SAMD3: variants seen among roughly 807,000 people sequenced by gnomAD.
The protein encoded by SAMD3 is sterile alpha motif domain containing 3.
A neutral mutation model predicts 58.5 loss-of-function variants in SAMD3; 63 were observed. The ratio of observed to expected loss-of-function variants is 1.08; its 90% confidence interval spans 0.88 to 1.33. The LOEUF (loss-of-function observed/expected upper bound fraction) is 1.33. SAMD3 is among the 40% of genes most tolerant of loss of function. The pLI is 0.00. For missense variants in SAMD3, 604 were observed against 608.4 expected (o/e 0.99, Z 0.08); for synonymous variants, 220 against 210.3 (o/e 1.05, Z -0.40).
intron 2 of SAMD3, among the ~76,000 whole-genome samples, chr6:130,284,817 G>C (rs985868059): frequency 2.6e-5 from 4 of 152,104 alleles, no homozygotes; most frequent in African/African-American, 4.8e-5. Context: ...TCACAAGGAA[G>C]TAATAACATT....
At chr6:130,193,471 C>CA (rs1438158544) in intron 5 of SAMD3, among the ~76,000 whole-genome samples, 2 of 151,984 alleles carry the variant, frequency 1.3e-5, no homozygotes, top group Non-Finnish European at 2.9e-5. Flanking sequence ...CTCTGTGCCC[C>CA]AACCCCTTAT....
intron 1 of SAMD3, among the ~76,000 whole-genome samples, chr6:130,362,118 A>G (rs78837244): frequency 6.6e-6 from 1 of 152,320 alleles, no homozygotes; most frequent in African/African-American, 2.4e-5. Flanking sequence ...TCTGGAAGGG[A>G]CTGAAGTGAA....
upstream of SAMD3, among the ~76,000 whole-genome samples, chr6:130,224,481 G>C (rs970871950): frequency 1.3e-5 from 2 of 151,956 alleles, no homozygotes; most frequent in African/African-American, 4.8e-5. Context: ...AAAGGCATAG[G>C]ACCCTGTGTT....
At chr6:130,350,328 A>G (rs12194693) in intron 1 of SAMD3, among the ~76,000 whole-genome samples, 74,014 of 151,848 alleles carry the variant, frequency 0.49, 22,142 homozygotes, top group African/African-American at 0.85. Flanking sequence ...AAACCCCATC[A>G]TCTCAGCCAA....
intron 8 of SAMD3, among the ~76,000 whole-genome samples, chr6:130,167,097 A>G (rs188471150): frequency 5.0e-4 from 76 of 152,002 alleles, no homozygotes; most frequent in African/African-American, 1.7e-3. Flanking sequence ...ACTTGAGGCA[A>G]GAGTACTCTA....
chr6:130,183,799 T>C (rs1792643119), intron 7 of SAMD3, among the ~76,000 whole-genome samples: 2 of 151,228 alleles, frequency 1.3e-5, no homozygotes, highest in Admixed American at 6.6e-5. Flanking sequence ...ACCAAGAAGT[T>C]ATGAAAAAGG....
At chr6:130,179,872 GAC>G in intron 7 of SAMD3, among the ~76,000 whole-genome samples, 1 of 137,180 alleles carries the variant, frequency 7.3e-6, no homozygotes, top group East Asian at 2.2e-4. Flanking sequence ...AGAGTACGAC[GAC>G]ACTGATCTTG....
chr6:130,225,805 C>T (rs17058525), upstream of SAMD3, among the ~76,000 whole-genome samples: 6,609 of 152,272 alleles, frequency 0.043, 471 homozygotes, highest in African/African-American at 0.15. Context: ...AGGCCAAAAA[C>T]TAACTTGTCA....
intron 1 of SAMD3, among the ~76,000 whole-genome samples, chr6:130,327,109 T>C (rs1459676162): frequency 1.3e-5 from 2 of 152,200 alleles, no homozygotes; most frequent in Non-Finnish European, 2.9e-5. Flanking sequence ...TACCTTCCTT[T>C]CCTAGACTGT....
At chr6:130,362,405 A>T (rs1164205518) in intron 1 of SAMD3, among the ~76,000 whole-genome samples, 1 of 152,240 alleles carries the variant, frequency 6.6e-6, no homozygotes. Context: ...CAGGTGGGCC[A>T]CCACTACCAT....
intron 2 of SAMD3, among the ~76,000 whole-genome samples, chr6:130,229,479 T>G (rs1796479371): frequency 6.6e-6 from 1 of 152,046 alleles, no homozygotes; most frequent in African/African-American, 2.4e-5. Flanking sequence ...GAATATAAAT[T>G]CCCATGAAAC....
intron 5 of SAMD3, among the ~76,000 whole-genome samples, chr6:130,198,740 AG>A (rs1794373365): frequency 6.6e-6 from 1 of 152,196 alleles, no homozygotes; most frequent in African/African-American, 2.4e-5. Flanking sequence ...GAAACACAAA[AG>A]GTATCTGAGA....
intron 2 of SAMD3, among the ~76,000 whole-genome samples, chr6:130,251,476 T>C (rs1216179681): frequency 1.3e-5 from 2 of 151,668 alleles, no homozygotes; most frequent in Non-Finnish European, 2.9e-5. Flanking sequence ...CACAAATTTT[T>C]CGTCTGTTTT....
At position 130,146,035 on chromosome 6, in the gene SAMD3, A is replaced by G. The variant is rs1788595861; in HGVS notation, c.1170T>C (p.His390=). ...INIVLQEKMK[H]YTDEDMLKYM... ...ATTTCAACATGTCTTCATCTGTGTA[A>G]TGTTTCATTTTTTCTTGCAATACAA... The change falls in exon 10 of 12, where the codon CAT becomes CAC. Residue 390 remains histidine (H), a synonymous_variant. Transcript: ENST00000439090. 1.9e-6 allele frequency: 3 copies of G among 1,571,642 alleles called. No individual in the cohort carries two copies. Among genetic ancestry groups the G allele is most frequent in the East Asian group, 4.7e-5 (2 of 42,986 alleles).
intron 1 of SAMD3, among the ~76,000 whole-genome samples, chr6:130,350,094 G>A (rs1255672858): frequency 6.6e-6 from 1 of 152,138 alleles, no homozygotes; most frequent in Non-Finnish European, 1.5e-5. Context: ...AGCTATCTAT[G>A]ACAAACCCAC....
At chr6:130,224,648 T>C (rs1796337552), upstream of SAMD3, among the ~76,000 whole-genome samples, 1 of 150,814 alleles carries the variant, frequency 6.6e-6, no homozygotes, top group Non-Finnish European at 1.5e-5. Flanking sequence ...AGATGGAGTC[T>C]CCCTTTGTCA....
intron 7 of SAMD3, among the ~76,000 whole-genome samples, chr6:130,176,474 T>A (rs1374966502): frequency 6.6e-6 from 1 of 152,208 alleles, no homozygotes; most frequent in Non-Finnish European, 1.5e-5. Context: ...ACTATTGGCA[T>A]TCACTCCCTA....
intron 1 of SAMD3, among the ~76,000 whole-genome samples, chr6:130,325,291 G>A (rs1421617499): frequency 6.6e-6 from 1 of 152,164 alleles, no homozygotes; most frequent in East Asian, 1.9e-4. Flanking sequence ...AGCTAAGGAA[G>A]CTGTGTGAGG....
At chr6:130,187,536 A>C (rs1793118739) in intron 5 of SAMD3, among the ~76,000 whole-genome samples, 1 of 152,188 alleles carries the variant, frequency 6.6e-6, no homozygotes, top group Non-Finnish European at 1.5e-5. Flanking sequence ...ATGCCACCTA[A>C]TACCAGTCAA....
Sources: gnomAD v4.1 joint callset for allele counts (sites outside exome capture counted in the v4.1 genomes callset) on GRCh38, gnomAD v4.1.1 for gene constraint, MANE v1.5 for transcripts, NCBI Gene and HGNC (gene_info 2026-07-23, HGNC 2026-07-21) for gene names.